ANKRD45: variants seen among roughly 807,000 people sequenced by gnomAD.
The protein encoded by ANKRD45 is ankyrin repeat domain 45.
ANKRD45 carries 21 observed loss-of-function variants against 28.1 expected under a neutral mutation model. That is an observed-to-expected ratio of 0.75 (90% CI 0.53 to 1.08). The LOEUF is 1.08. Ranked by LOEUF, ANKRD45 falls within the 50% of genes least tolerant of loss-of-function variation. ANKRD45 has a pLI of 0.00. For missense variants in ANKRD45, 261 were observed against 308.7 expected (o/e 0.85, Z 1.16); for synonymous variants, 86 against 103.9 (o/e 0.83, Z 1.05).
At chr1:173,679,583 A>G in the ANKRD45 span, among the ~76,000 whole-genome samples, 1 of 152,264 alleles carries the variant, frequency 6.6e-6, no homozygotes. Context: ...GACTAAAACC[A>G]TAAAAACCCT....
chr1:173,616,996 G>T (rs1667492297), intron 5 of ANKRD45, among the ~76,000 whole-genome samples: 1 of 152,010 alleles, frequency 6.6e-6, no homozygotes, highest in Non-Finnish European at 1.5e-5. Context: ...TGTACGTGTG[G>T]CTTATCTGCT....
chr1:173,711,571 C>A, the ANKRD45 span, among the ~76,000 whole-genome samples: 1 of 152,160 alleles, frequency 6.6e-6, no homozygotes, highest in Admixed American at 6.5e-5. Context: ...GGCAAGTTTG[C>A]CCTAAGCAGT....
chr1:173,689,170 G>A, the ANKRD45 span, among the ~76,000 whole-genome samples: 1 of 152,102 alleles, frequency 6.6e-6, no homozygotes, highest in African/African-American at 2.4e-5. Flanking sequence ...CTCTTGAAGT[G>A]GCCTGTTTTT....
Position 173,608,745 on chromosome 1 carries a change from C to A in ANKRD45, c.*1400G>T, listed in dbSNP as rs1364858830. Among the ~76,000 whole-genome samples, 2 of 147,882 alleles carry A rather than the reference C, an allele frequency of 1.4e-5. No individual in the cohort carries two copies. The highest frequency in any genetic ancestry group is 2.5e-5 in the African/African-American group (1 of 39,484). On this transcript the variant is annotated 3_prime_UTR_variant, in exon 6 of 6. Transcript: ENST00000333279. ...TCCAGCCTGGGCAGGAGAGGCAGACCCTGTCAAGAAGGTTGCGGGGGTGGA... is the reference window on the plus strand; with the variant it reads ...TCCAGCCTGGGCAGGAGAGGCAGACACTGTCAAGAAGGTTGCGGGGGTGGA...
At chr1:173,637,187 T>G (rs943488352) in intron 3 of ANKRD45, 10 of 589,186 alleles carry the variant, frequency 1.7e-5, no homozygotes, top group Non-Finnish European at 2.9e-5. Flanking sequence ...GGTTGAAATG[T>G]TACTTCCCAT....
chr1:173,697,595 C>A, the ANKRD45 span, among the ~76,000 whole-genome samples: 1 of 152,108 alleles, frequency 6.6e-6, no homozygotes, highest in Non-Finnish European at 1.5e-5. Flanking sequence ...AAATAAAATC[C>A]TTTACAGACA....
At chr1:173,710,118 A>G in the ANKRD45 span, among the ~76,000 whole-genome samples, 1 of 152,192 alleles carries the variant, frequency 6.6e-6, no homozygotes, top group East Asian at 1.9e-4. Context: ...TGAGCCCAAG[A>G]GTTCAAGACC....
the ANKRD45 span, among the ~76,000 whole-genome samples, chr1:173,688,338 TTCTCTC>T: frequency 1.1e-4 from 11 of 103,320 alleles, no homozygotes; most frequent in Non-Finnish European, 2.3e-4. Context: ...GACTCCCTCT[TTCTCTC>T]TCTGACTCCC....
At chr1:173,708,031 T>C in the ANKRD45 span, among the ~76,000 whole-genome samples, 1 of 152,240 alleles carries the variant, frequency 6.6e-6, no homozygotes, top group South Asian at 2.1e-4. Context: ...ACCACAGTTT[T>C]AATTATAGAG....
chr1:173,707,547 G>C, the ANKRD45 span, among the ~76,000 whole-genome samples: 1 of 151,998 alleles, frequency 6.6e-6, no homozygotes, highest in Non-Finnish European at 1.5e-5. Flanking sequence ...TGGCCAGCCT[G>C]GTCTTGAACT....
At chr1:173,688,460 T>C in the ANKRD45 span, among the ~76,000 whole-genome samples, 4 of 97,218 alleles carry the variant, frequency 4.1e-5, no homozygotes, top group Admixed American at 9.4e-5. Context: ...CTCTACCTCT[T>C]CCTCTCTCTA....
chr1:173,635,601 G>A (rs1376719144), intron 3 of ANKRD45: 2 of 1,535,308 alleles, frequency 1.3e-6, no homozygotes, highest in African/African-American at 2.7e-5. Flanking sequence ...ATTTGTGATG[G>A]AACTGTCTGG....
intron 5 of ANKRD45, among the ~76,000 whole-genome samples, chr1:173,619,394 A>G (rs1025679457): frequency 1.3e-5 from 2 of 152,202 alleles, no homozygotes; most frequent in Admixed American, 6.5e-5. Context: ...CAAGAGACCC[A>G]TCTCATGTGC....
intron 3 of ANKRD45, chr1:173,636,962 C>A (rs1285946156): frequency 6.5e-7 from 1 of 1,535,628 alleles, no homozygotes; most frequent in Non-Finnish European, 8.7e-7. Flanking sequence ...CAGGTCTCAC[C>A]ATCCTTCCTC....
the ANKRD45 span, among the ~76,000 whole-genome samples, chr1:173,713,665 C>T: frequency 2.0e-5 from 3 of 149,316 alleles, no homozygotes. Context: ...CCACCTGGAC[C>T]CACCAACTGT....
At chr1:173,670,393 G>A (rs1170380201), upstream of ANKRD45, among the ~76,000 whole-genome samples, 7 of 152,166 alleles carry the variant, frequency 4.6e-5, no homozygotes, top group Non-Finnish European at 7.3e-5. Flanking sequence ...CAGCAGGGAA[G>A]GGCCAGGCAT....
chr1:173,694,272 T>C, the ANKRD45 span, among the ~76,000 whole-genome samples: 2 of 152,126 alleles, frequency 1.3e-5, no homozygotes, highest in African/African-American at 4.8e-5. Context: ...CAAGCAATTC[T>C]CCTGCCTCAG....
chr1:173,628,024 G>T (rs1668013253), intron 3 of ANKRD45, among the ~76,000 whole-genome samples: 1 of 151,584 alleles, frequency 6.6e-6, no homozygotes, highest in African/African-American at 2.4e-5. Context: ...CACATCCTGG[G>T]CCAGAAGGGA....
intron 3 of ANKRD45, among the ~76,000 whole-genome samples, chr1:173,628,042 G>T (rs1668013725): frequency 6.6e-6 from 1 of 151,686 alleles, no homozygotes; most frequent in Non-Finnish European, 1.5e-5. Context: ...GGAACCAGCT[G>T]CCTTGAAGGG....
Sources: allele counts gnomAD v4.1 joint callset (sites outside exome capture counted in the v4.1 genomes callset), GRCh38; gene constraint gnomAD v4.1.1; transcripts MANE v1.5; gene names NCBI Gene and HGNC (gene_info 2026-07-23, HGNC 2026-07-21).